Variants in MSRA observed in about 807,000 individuals in gnomAD.
MSRA encodes the protein methionine sulfoxide reductase A.
Under a neutral mutation model 31.3 loss-of-function variants are expected in MSRA, and 54 were observed. The ratio of observed to expected loss-of-function variants is 1.73; its 90% CI spans 1.39 to 2.17. The LOEUF is 2.17. Among genes scored for constraint, MSRA ranks in the 30% most tolerant of loss-of-function variants. The pLI, the probability that MSRA is intolerant of heterozygous loss-of-function variation, is 0.00. For missense variants in MSRA, 507 were observed against 300.9 expected, an observed-to-expected ratio of 1.69 and a Z score of -5.07; for synonymous variants, 169 against 116.5, an observed-to-expected ratio of 1.45 and a Z score of -2.90.
intron 5 of MSRA, among the ~76,000 whole-genome samples, chr8:10,425,157 A>G (rs1287727427): frequency 6.6e-6 from 1 of 151,090 alleles, no homozygotes; most frequent in Non-Finnish European, 1.5e-5. Context: ...GGGATGGGGG[A>G]GAGTGCTGGG....
At chr8:10,165,083 G>C (rs992525690) in intron 1 of MSRA, among the ~76,000 whole-genome samples, 2 of 152,126 alleles carry the variant, frequency 1.3e-5, no homozygotes, top group African/African-American at 4.8e-5. Context: ...CAGACTCTTG[G>C]AGAGTGAAGT....
intron 5 of MSRA, among the ~76,000 whole-genome samples, chr8:10,383,203 A>C (rs751393979): frequency 5.9e-5 from 9 of 152,216 alleles, no homozygotes; most frequent in Non-Finnish European, 1.2e-4. Flanking sequence ...CTGCAGGGGC[A>C]GAGGGCAATG....
At chr8:10,284,542 AAACTT>A (rs1158440321) in intron 3 of MSRA, among the ~76,000 whole-genome samples, 2 of 152,320 alleles carry the variant, frequency 1.3e-5, no homozygotes, top group Non-Finnish European at 2.9e-5. Context: ...TTAAAAAAGA[AAACTT>A]AAATAAATGT....
At chr8:10,128,311 G>A (rs972556548) in intron 1 of MSRA, among the ~76,000 whole-genome samples, 3 of 151,948 alleles carry the variant, frequency 2.0e-5, no homozygotes, top group East Asian at 1.9e-4. Flanking sequence ...CCTGGGAGGC[G>A]GAGGTTGCCC....
chr8:10,076,945 C>G (rs981198753), intron 1 of MSRA, among the ~76,000 whole-genome samples: 1 of 150,658 alleles, frequency 6.6e-6, no homozygotes, highest in African/African-American at 2.4e-5. Flanking sequence ...GCCTGCTGGG[C>G]TTAATACGTA....
At chr8:10,130,699 C>T (rs1340026179) in intron 1 of MSRA, among the ~76,000 whole-genome samples, 3 of 152,178 alleles carry the variant, frequency 2.0e-5, no homozygotes, top group African/African-American at 2.4e-5. Context: ...CCAGTAATAG[C>T]ACGGGGCTCT....
chr8:10,392,267 G>T (rs1166978061), intron 5 of MSRA, among the ~76,000 whole-genome samples: 1 of 152,218 alleles, frequency 6.6e-6, no homozygotes, highest in Non-Finnish European at 1.5e-5. Flanking sequence ...GAACTTAAAT[G>T]CCAGGGCTTC....
chr8:10,095,752 T>G, intron 1 of MSRA: 1 of 1,137,560 alleles, frequency 8.8e-7, no homozygotes, highest in Non-Finnish European at 1.1e-6. Flanking sequence ...TTTAAGTCTC[T>G]TGGGCTATTT....
intron 2 of MSRA, among the ~76,000 whole-genome samples, chr8:10,217,341 C>A (rs4383976): frequency 6.6e-6 from 1 of 152,086 alleles, no homozygotes; most frequent in Non-Finnish European, 1.5e-5. Context: ...GCTCGTGACC[C>A]TCTCCCCACA....
At chr8:10,137,452 T>C (rs767916426) in intron 1 of MSRA, among the ~76,000 whole-genome samples, 4 of 152,210 alleles carry the variant, frequency 2.6e-5, no homozygotes, top group Non-Finnish European at 5.9e-5. Context: ...GGAATCGGTA[T>C]TTATTTCCTT....
intron 2 of MSRA, among the ~76,000 whole-genome samples, chr8:10,236,596 G>A (rs985925979): frequency 6.6e-6 from 1 of 152,190 alleles, no homozygotes; most frequent in African/African-American, 2.4e-5. Context: ...TCAAGCTAGA[G>A]TGCAGTGGTG....
At chr8:10,271,946 G>C (rs1167602472) in intron 3 of MSRA, among the ~76,000 whole-genome samples, 1 of 152,092 alleles carries the variant, frequency 6.6e-6, no homozygotes, top group African/African-American at 2.4e-5. Flanking sequence ...AACCTAAGGT[G>C]ACCCGCACAC....
At chr8:10,333,888 A>G (rs910525367) in intron 5 of MSRA, among the ~76,000 whole-genome samples, 2 of 152,024 alleles carry the variant, frequency 1.3e-5, no homozygotes, top group African/African-American at 4.8e-5. Flanking sequence ...CAAGGCAGGC[A>G]CTCTGTGAAT....
chr8:10,283,037 G>A (rs1037423840), intron 3 of MSRA, among the ~76,000 whole-genome samples: 2 of 151,998 alleles, frequency 1.3e-5, no homozygotes, highest in African/African-American at 4.8e-5. Context: ...TTAACTTCAA[G>A]AGCTTCCTTA....
At chr8:10,271,275 C>T (rs1799022611) in intron 3 of MSRA, among the ~76,000 whole-genome samples, 1 of 152,018 alleles carries the variant, frequency 6.6e-6, no homozygotes, top group Admixed American at 6.6e-5. Flanking sequence ...GTGATACCTA[C>T]CATGGGGAAG....
At chr8:10,378,331 A>G (rs1805867062) in intron 5 of MSRA, among the ~76,000 whole-genome samples, 1 of 152,142 alleles carries the variant, frequency 6.6e-6, no homozygotes, top group South Asian at 2.1e-4. Flanking sequence ...TGAGAGACTC[A>G]TTGGGTGGGC....
chr8:10,206,716 G>A (rs1563218007), intron 1 of MSRA, among the ~76,000 whole-genome samples: 1 of 152,174 alleles, frequency 6.6e-6, no homozygotes, highest in Non-Finnish European at 1.5e-5. Context: ...AGCGCCTTCT[G>A]GCAGCACATC....
At chr8:10,070,600 G>C (rs894008105) in intron 1 of MSRA, among the ~76,000 whole-genome samples, 2 of 152,196 alleles carry the variant, frequency 1.3e-5, no homozygotes, top group African/African-American at 2.4e-5. Context: ...ATACAGAACA[G>C]TTCTGCCACC....
intron 5 of MSRA, among the ~76,000 whole-genome samples, chr8:10,326,146 TA>T (rs1383657619): frequency 1.3e-5 from 2 of 152,228 alleles, no homozygotes; most frequent in Non-Finnish European, 1.5e-5. Context: ...CTTAGGTTAC[TA>T]ATTTAATAGT....
Sources: gnomAD v4.1 joint callset for allele counts (sites outside exome capture counted in the v4.1 genomes callset) on GRCh38, gnomAD v4.1.1 for gene constraint, MANE v1.5 for transcripts, NCBI Gene and HGNC (gene_info 2026-07-23, HGNC 2026-07-21) for gene names.